The following SLC44A1 variants were observed in gnomAD, a reference collection of about 807,000 sequenced individuals.
SLC44A1 encodes solute carrier family 44 member 1, also known as choline transporter-like protein 1.
Under a neutral mutation model 79.3 loss-of-function variants are expected in SLC44A1, and 26 were observed. The observed-to-expected ratio is 0.33, with a 90% CI of 0.24 to 0.46. SLC44A1 has a LOEUF of 0.46. Ranked by LOEUF, SLC44A1 falls within the 20% of genes least tolerant of loss-of-function variation. The probability of loss-of-function intolerance (pLI) is 1.00; values close to 1 mark genes in which losing one functional copy is unlikely to be tolerated. For synonymous variants in SLC44A1, 263 were observed against 286.2 expected, an observed-to-expected ratio of 0.92 and a Z score of 0.82; for missense variants, 688 against 798.1, an observed-to-expected ratio of 0.86 and a Z score of 1.66.
intron 5 of SLC44A1, among the ~76,000 whole-genome samples, chr9:105,351,686 A>T (rs1827453144): frequency 1.1e-5 from 1 of 89,776 alleles, no homozygotes; most frequent in African/African-American, 3.0e-5. Flanking sequence ...ACCAAGAAAA[A>T]AATGTTATCT....
At chr9:105,348,699 T>C (rs565217477) in intron 5 of SLC44A1, among the ~76,000 whole-genome samples, 1 of 152,228 alleles carries the variant, frequency 6.6e-6, no homozygotes, top group African/African-American at 2.4e-5. Flanking sequence ...GGCTTGCTTT[T>C]TTTGTTTTTA....
Position 105,396,322 on chromosome 9 carries a change from G to T in SLC44A1, c.*7266G>T. The stretch of plus-strand genomic sequence containing the variant: ...GTTATTAACTGATTTTATTACAGGA[G>T]AAAAAAACTTTAACAAAAAGGCAGG... On this transcript the variant is annotated 3_prime_UTR_variant, in exon 16 of 16. Coordinates refer to ENST00000374720, the MANE Select transcript of SLC44A1 (RefSeq NM_080546.5). 1 of 985,202 alleles carries T rather than the reference G, an allele frequency of 1.0e-6. No homozygotes were observed. Among genetic ancestry groups the T allele is most frequent in the South Asian group, 4.7e-5 (1 of 21,288 alleles). The allele number at this position is 985,202 out of a possible 1,614,324, so 61.0% of individuals were successfully genotyped here. A position where few individuals can be genotyped will look rare whatever the true frequency, so the allele number is the denominator to read the frequency against.
intron 12 of SLC44A1, among the ~76,000 whole-genome samples, chr9:105,369,668 C>T (rs140714078): frequency 3.9e-4 from 60 of 152,252 alleles, no homozygotes; most frequent in African/African-American, 1.3e-3. Context: ...CCCTATATTC[C>T]CTTAGCATTA....
chr9:105,398,613 T>C (rs113266150), downstream of SLC44A1, among the ~76,000 whole-genome samples: 2,108 of 152,286 alleles, frequency 0.014, 57 homozygotes, highest in African/African-American at 0.048. Flanking sequence ...TTGAAGGAAA[T>C]AAAAATCTAG....
downstream of SLC44A1, among the ~76,000 whole-genome samples, chr9:105,400,127 A>G (rs892517696): frequency 4.6e-5 from 7 of 151,738 alleles, no homozygotes; most frequent in African/African-American, 1.5e-4. Context: ...CCCGGGAGGC[A>G]TACGTTGCGG....
intron 1 of SLC44A1, among the ~76,000 whole-genome samples, chr9:105,282,460 A>G (rs1270450574): frequency 6.6e-6 from 1 of 152,164 alleles, no homozygotes; most frequent in Non-Finnish European, 1.5e-5. Flanking sequence ...GGACTGCAAT[A>G]GTCTTCTGAT....
In SLC44A1 at chr9:105,394,276, C is replaced by A. The variant is rs1828827114; in HGVS notation, c.*5220C>A. The A allele has an allele frequency of 1.0e-6, 1 of 985,426 alleles. No homozygotes were observed. Among genetic ancestry groups the A allele is most frequent in the Non-Finnish European group, 1.2e-6 (1 of 829,918 alleles). The allele number at this position is 985,426 out of a possible 1,614,324, so 61.0% of individuals were successfully genotyped here. A position where few individuals can be genotyped will look rare whatever the true frequency, so the allele number is the denominator to read the frequency against. ...TGCTTACCACCTTCTGACCTGGAAT[C>A]ATTTTTATAACTTAAAGACTTTATG... On this transcript the variant is annotated 3_prime_UTR_variant, in exon 16 of 16. Transcript: ENST00000374720.
chr9:105,329,613 C>T (rs778386775), intron 3 of SLC44A1, among the ~76,000 whole-genome samples: 16 of 152,070 alleles, frequency 1.1e-4, no homozygotes, highest in Non-Finnish European at 1.9e-4. Context: ...CATTTGAGTA[C>T]GTGTTGCCTA....
In SLC44A1 at chr9:105,371,720, CA is replaced by C. The variant is rs776993058; in HGVS notation, c.1495-2857del. 4.0e-3 allele frequency among the ~76,000 whole-genome samples: 373 copies of C among 94,274 alleles called. 1 individual carries two copies. Among genetic ancestry groups the C allele is most frequent in the Middle Eastern group, 0.016 (2 of 128 alleles). 61.8% of individuals were successfully genotyped at this position (94,274 alleles called of 152,430 possible). ...GGCGACAGAGTGAGACTCCATCTCA[CA>C]AAAAAAAAAAAAAAAAAAAAGTAAT... is the stretch of plus-strand genomic sequence containing the variant. On this transcript the variant is annotated intron_variant, in intron 12 of 15. Coordinates refer to ENST00000374720, the MANE Select transcript of SLC44A1 (RefSeq NM_080546.5).
intron 15 of SLC44A1, among the ~76,000 whole-genome samples, chr9:105,387,200 A>G (rs1045161817): frequency 6.6e-6 from 1 of 151,280 alleles, no homozygotes; most frequent in African/African-American, 2.4e-5. Context: ...TCAATAAAAT[A>G]TTTAGATATA....
At chr9:105,261,365 A>G (rs1311096028) in intron 1 of SLC44A1, among the ~76,000 whole-genome samples, 2 of 152,164 alleles carry the variant, frequency 1.3e-5, no homozygotes, top group African/African-American at 2.4e-5. Flanking sequence ...TCTGGCCCAC[A>G]GAGCATAATG....
Position 105,391,041 on chromosome 9 carries a change from A to G in SLC44A1, c.*1985A>G. 1 of 985,852 alleles carries G rather than the reference A, an allele frequency of 1.0e-6. No individual in the cohort carries two copies. Among genetic ancestry groups the G allele is most frequent in the Non-Finnish European group, 1.2e-6 (1 of 829,914 alleles). The allele number at this position is 985,852 out of a possible 1,614,324, so 61.1% of individuals were successfully genotyped here. A position where few individuals can be genotyped will look rare whatever the true frequency, so the allele number is the denominator to read the frequency against. The stretch of plus-strand genomic sequence containing the variant: ...TGTTTCATAGCCGCACAGATTTTGG[A>G]CTTTCACAAACATTGGGAACTAAAT... On this transcript the variant is annotated 3_prime_UTR_variant, in exon 16 of 16. Coordinates refer to ENST00000374720, the MANE Select transcript of SLC44A1 (RefSeq NM_080546.5).
At chr9:105,264,055 G>A (rs148752600) in intron 1 of SLC44A1, among the ~76,000 whole-genome samples, 9 of 152,220 alleles carry the variant, frequency 5.9e-5, no homozygotes, top group Middle Eastern at 3.4e-3. Context: ...TAAAGATTGA[G>A]CTGTCTTCCA....
intron 4 of SLC44A1, among the ~76,000 whole-genome samples, chr9:105,341,777 T>C (rs886343300): frequency 7.2e-5 from 11 of 152,230 alleles, no homozygotes; most frequent in African/African-American, 2.7e-4. Context: ...TCTGTGTGAG[T>C]TGACACCAGC....
At chr9:105,412,055 A>G (rs1280940955) in intron 15 of SLC44A1, among the ~76,000 whole-genome samples, 1 of 152,192 alleles carries the variant, frequency 6.6e-6, no homozygotes. Context: ...TCATATAATG[A>G]TGATTTTCTA....
chr9:105,302,659 A>G (rs1047486795), intron 2 of SLC44A1, among the ~76,000 whole-genome samples: 1 of 150,650 alleles, frequency 6.6e-6, no homozygotes, highest in Non-Finnish European at 1.5e-5. Context: ...GCCTAGAATT[A>G]GCTGGGATCT....
intron 15 of SLC44A1, among the ~76,000 whole-genome samples, chr9:105,411,984 C>G (rs896439293): frequency 3.3e-5 from 5 of 152,162 alleles, no homozygotes; most frequent in African/African-American, 1.2e-4. Context: ...AGTCCTATTT[C>G]TCATCAACTT....
chr9:105,373,521 A>G (rs1413350962), intron 12 of SLC44A1, among the ~76,000 whole-genome samples: 1 of 152,228 alleles, frequency 6.6e-6, no homozygotes, highest in Non-Finnish European at 1.5e-5. Flanking sequence ...CAGTATTTTA[A>G]GGAACAGAAG....
intron 2 of SLC44A1, among the ~76,000 whole-genome samples, chr9:105,303,354 G>C (rs1009289842): frequency 6.6e-5 from 10 of 151,984 alleles, no homozygotes; most frequent in African/African-American, 2.4e-4. Flanking sequence ...AGAGAGAATG[G>C]AGATCTACCT....
Sources: gnomAD v4.1 joint callset for allele counts (sites outside exome capture counted in the v4.1 genomes callset) on GRCh38, gnomAD v4.1.1 for gene constraint, MANE v1.5 for transcripts, NCBI Gene and HGNC (gene_info 2026-07-23, HGNC 2026-07-21) for gene names.